NAV1: variants seen among roughly 807,000 people sequenced by gnomAD.
NAV1 encodes the protein pore membrane and/or filament interacting like protein 3.
Under a neutral mutation model 175.2 loss-of-function variants are expected in NAV1, and 18 were observed. The ratio of observed to expected loss-of-function variants is 0.10; its 90% confidence interval spans 0.07 to 0.15. The LOEUF is 0.15. Ranked by LOEUF, NAV1 falls within the 10% of genes least tolerant of loss-of-function variation. NAV1 has a pLI of 1.00. For missense variants in NAV1, 1,731 were observed against 2,436.6 expected (o/e 0.71, Z 6.10); for synonymous variants, 897 against 978.7 (o/e 0.92, Z 1.56).
At chr1:201,555,452 T>C (rs1281379553) in intron 1 of NAV1, among the ~76,000 whole-genome samples, 1 of 152,162 alleles carries the variant, frequency 6.6e-6, no homozygotes, top group Non-Finnish European at 1.5e-5. Context: ...ACTCTGAAGC[T>C]CTGAGGTTTT....
At chr1:201,595,323 A>T (rs1416966902) in intron 2 of NAV1, among the ~76,000 whole-genome samples, 1 of 152,264 alleles carries the variant, frequency 6.6e-6, no homozygotes, top group East Asian at 1.9e-4. Flanking sequence ...TCATGCTTAG[A>T]ACTGAAGACT....
chr1:201,809,938 T>C lies in NAV1; in HGVS notation c.4402-8T>C. The C allele has an allele frequency of 6.2e-7, 1 of 1,604,142 alleles. No individual in the cohort carries two copies. The highest frequency in any genetic ancestry group is 8.5e-7 in the Non-Finnish European group (1 of 1,173,706). On this transcript the variant is annotated splice_region_variant and splice_polypyrimidine_tract_variant and intron_variant, in intron 22 of 29. Transcript: ENST00000367296. Reference sequence around the variant, plus strand: ...TTTTCTTCTTCTTCTGCCTGTCTTTTCTGTCAGGACTATATTTCTAAAATG... The same window carrying C: ...TTTTCTTCTTCTTCTGCCTGTCTTTCCTGTCAGGACTATATTTCTAAAATG...
At chr1:201,549,127 CTTTCTTTCTT>C (rs1284728957) in intron 1 of NAV1, among the ~76,000 whole-genome samples, 1 of 144,556 alleles carries the variant, frequency 6.9e-6, no homozygotes, top group Non-Finnish European at 1.5e-5. Flanking sequence ...TTCTTTCTTT[CTTTCTTTCTT>C]TCTTTCTTCT....
chr1:201,649,157 G>C, exon 1 of NAV1: 1 of 1,611,788 alleles, frequency 6.2e-7, no homozygotes, highest in Non-Finnish European at 8.5e-7. Flanking sequence ...CCCTGGCTCC[G>C]CTCGCGCCCA....
intron 2 of NAV1, among the ~76,000 whole-genome samples, chr1:201,641,245 T>C (rs1456646323): frequency 6.6e-6 from 1 of 152,208 alleles, no homozygotes; most frequent in Admixed American, 6.5e-5. Context: ...CTTCAAAATA[T>C]ATGCAGAGCC....
chr1:201,665,323 C>G (rs1238168315), intron 1 of NAV1, among the ~76,000 whole-genome samples: 5 of 152,074 alleles, frequency 3.3e-5, no homozygotes, highest in African/African-American at 9.7e-5. Flanking sequence ...CAGAGTTTGC[C>G]TGGGTACAAT....
intron 1 of NAV1, among the ~76,000 whole-genome samples, chr1:201,574,278 G>T (rs1044681062): frequency 5.3e-5 from 8 of 152,164 alleles, no homozygotes; most frequent in African/African-American, 1.7e-4. Context: ...AGAGAGTCAG[G>T]TAAAATGCTG....
intron 2 of NAV1, among the ~76,000 whole-genome samples, chr1:201,642,511 C>CTTTCTTTCTTTCTT (rs1553247033): frequency 4.4e-5 from 2 of 45,590 alleles, no homozygotes; most frequent in South Asian, 1.3e-3. Context: ...CGCACCCGGC[C>CTTTCTTTCTTTCTT]TCTTTCTTTC....
chr1:201,736,134 T>C (rs1375624384), intron 3 of NAV1, among the ~76,000 whole-genome samples: 1 of 152,196 alleles, frequency 6.6e-6, no homozygotes, highest in Non-Finnish European at 1.5e-5. Context: ...GGCCAAAACT[T>C]GTTCAAGGAC....
chr1:201,617,247 T>TCA (rs143535007), intron 2 of NAV1, among the ~76,000 whole-genome samples: 40 of 149,270 alleles, frequency 2.7e-4, no homozygotes, highest in Non-Finnish European at 3.3e-4. Context: ...TCTCTGTCTG[T>TCA]CACACACACA....
intron 1 of NAV1, among the ~76,000 whole-genome samples, chr1:201,568,097 G>T (rs1313352915): frequency 6.6e-6 from 1 of 152,150 alleles, no homozygotes; most frequent in Non-Finnish European, 1.5e-5. Flanking sequence ...GGAGTAATTG[G>T]AGTGCGGGCA....
intron 3 of NAV1, among the ~76,000 whole-genome samples, chr1:201,753,826 GTGCATATGATTA>G (rs1368861370): frequency 6.6e-6 from 1 of 152,198 alleles, no homozygotes; most frequent in Non-Finnish European, 1.5e-5. Flanking sequence ...GTGGGTAAAT[GTGCATATGATTA>G]TTGTTGTTAC....
At chr1:201,816,838 T>A (rs944830067) in intron 28 of NAV1, 17 of 471,632 alleles carry the variant, frequency 3.6e-5, no homozygotes, top group African/African-American at 2.6e-4. Flanking sequence ...TAATTTTTTT[T>A]TTCTTTTTTC....
exon 1 of NAV1, chr1:201,648,502 C>T: frequency 8.1e-7 from 1 of 1,235,442 alleles, no homozygotes; most frequent in Non-Finnish European, 1.0e-6. Context: ...TTGCCTCTCT[C>T]CCTCCTCCCT....
chr1:201,787,969 G>A lies in NAV1; in HGVS notation c.2996-499G>A, dbSNP rs886913438. On this transcript the variant is annotated intron_variant, in intron 9 of 29. Transcript: ENST00000367296. This position sits in a 1 kb window ranked among gnomAD's most constrained non-coding sequence, Gnocchi z 4.3. ...CACTACTTTGTGGGGAGATTCTCAC[G>A]CCCTTCCACAATGCCAGGGCAACGG... is the stretch of plus-strand genomic sequence containing the variant. Among the ~76,000 whole-genome samples, 1 of 152,154 alleles carries A rather than the reference G, an allele frequency of 6.6e-6. No individual in the cohort carries two copies. Among genetic ancestry groups the A allele is most frequent in the Non-Finnish European group, 1.5e-5 (1 of 68,026 alleles).
At chr1:201,570,439 G>T (rs17469493) in intron 1 of NAV1, among the ~76,000 whole-genome samples, 2,414 of 152,328 alleles carry the variant, frequency 0.016, 31 homozygotes, top group Middle Eastern at 0.027. Context: ...GTCTGCAGAT[G>T]GGAAAGGGCT....
At chr1:201,551,740 A>G (rs1318511758) in intron 1 of NAV1, among the ~76,000 whole-genome samples, 1 of 152,162 alleles carries the variant, frequency 6.6e-6, no homozygotes, top group Non-Finnish European at 1.5e-5. Context: ...AATAACGTAA[A>G]AGTGTTACGT....
intron 1 of NAV1, chr1:201,688,344 A>G (rs965449074): frequency 6.6e-6 from 1 of 152,190 alleles, no homozygotes; most frequent in Non-Finnish European, 1.5e-5. Flanking sequence ...GAATCTGCAC[A>G]GCTTGTGGTC....
At chr1:201,757,447 C>T (rs1312413524) in intron 3 of NAV1, among the ~76,000 whole-genome samples, 3 of 152,156 alleles carry the variant, frequency 2.0e-5, no homozygotes, top group East Asian at 3.9e-4. Flanking sequence ...TTTTTAGTAG[C>T]GATGAGGTCT....
Sources: gnomAD v4.1 joint callset for allele counts (sites outside exome capture counted in the v4.1 genomes callset) on GRCh38, gnomAD v4.1.1 for gene constraint, Gnocchi (gnomAD v3.1) non-coding constraint, MANE v1.5 for transcripts, NCBI Gene and HGNC (gene_info 2026-07-23, HGNC 2026-07-21) for gene names.